HLA-G: variants seen among roughly 807,000 people sequenced by gnomAD.
HLA-G encodes the protein major histocompatibility complex, class I, G.
Under a neutral mutation model 39.3 loss-of-function variants are expected in HLA-G, and 34 were observed. The observed-to-expected ratio is 0.86, with a 90% CI of 0.66 to 1.15. The LOEUF is 1.15. HLA-G is among the 50% of genes most tolerant of loss of function. HLA-G has a pLI of 0.00. For missense variants in HLA-G, 419 were observed against 456.4 expected (o/e 0.92, Z 0.75); for synonymous variants, 183 against 185.8 (o/e 0.99, Z 0.12).
rs751954365 is a variant in HLA-G, at chr6:29,827,881, C to T, written c.37C>T (p.Leu13Phe). The part of the protein sequence containing the change: ...VMAPRTLFLL[L>F]SGALTLTETW... ...GGCGCCCCGAACCCTCTTCCTGCTG[C>T]TCTCGGGGGCCCTGACCCTGACCGA... Residue 13 changes from leucine to phenylalanine, a missense_variant, in exon 1 of 7, where the codon CTC becomes TTC. Physicochemically the swap from Leu to Phe is conservative, Grantham distance 22 (BLOSUM62 0). Around this residue, in one of 2 missense-constraint regions of HLA-G, gnomAD observed 91 missense variants for 133.4 expected, o/e 0.68. Transcript: ENST00000360323. 4.8e-5 allele frequency: 78 copies of T among 1,613,304 alleles called. No homozygotes were observed. The highest frequency in any genetic ancestry group is 4.0e-4 in the African/African-American group (30 of 75,042).
At position 29,829,456 on chromosome 6, in the gene HLA-G, G is replaced by A. The variant is rs976391413; in HGVS notation, c.658G>A (p.Asp220Asn). The change falls in exon 4 of 7, where the codon GAC becomes AAC. Residue 220 changes from aspartate (D) to asparagine (N), a missense_variant. By Grantham distance (23) the Asp-to-Asn change is conservative. Transcript: ENST00000360323. ...KTHVTHHPVFDYEATLRCWAL... is the reference protein window; with the variant it reads ...KTHVTHHPVFNYEATLRCWAL... ...ACACGTGACCCACCACCCTGTCTTT[G>A]ACTATGAGGCCACCCTGAGGTGCTG... 1.2e-6 allele frequency: 2 copies of A among 1,613,694 alleles called. No homozygotes were observed. Among genetic ancestry groups the A allele is most frequent in the African/African-American group, 1.3e-5 (1 of 74,860 alleles).
In HLA-G at chr6:29,828,587, G is replaced by C. The variant is rs565858069; in HGVS notation, c.388G>C (p.Asp130His). ...QWMIGCDLGSDGRLLRGYEQY... is the reference protein window; with the variant it reads ...QWMIGCDLGSHGRLLRGYEQY... ...GATGATTGGCTGCGACCTGGGGTCC[G>C]ACGGACGCCTCCTCCGCGGGTATGA... Residue 130 changes from aspartate (D) to histidine (H), a missense_variant, in exon 3 of 7, where the codon GAC becomes CAC. This residue lies in a region of HLA-G where 328 missense variants were observed against 323.0 expected (regional missense o/e 1.02). Transcript: ENST00000360323. The C allele has an allele frequency of 2.3e-5, 37 of 1,613,058 alleles. No individual in the cohort carries two copies. The African/African-American group carries it at 2.5e-4, about 11-fold the overall frequency.
At chr6:29,829,265 C>T (rs1465359992) in intron 3 of HLA-G, among the ~76,000 whole-genome samples, 153 bp from the exon 4 acceptor site, 1 of 152,168 alleles carries the variant, frequency 6.6e-6, no homozygotes, top group African/African-American at 2.4e-5. Flanking sequence ...AGGAGATTAT[C>T]CCAGGTGCCC....
At chr6:29,827,982 G>A (rs1341683609) in intron 1 of HLA-G, 65 bp downstream of exon 1, 2 of 1,591,216 alleles carry the variant, frequency 1.3e-6, no homozygotes, top group Non-Finnish European at 1.7e-6. Context: ...CCCGGCGGGG[G>A]CGCAGGACTC....
intron 5 of HLA-G, 67 bp from the exon 6 acceptor site, chr6:29,830,311 A>G: frequency 6.5e-7 from 1 of 1,544,002 alleles, no homozygotes; most frequent in Admixed American, 1.7e-5. Flanking sequence ...CAAGACTAGG[A>G]GGTTCCTCTA....
At chr6:29,830,083 C>G in intron 5 of HLA-G, 151 bp downstream of exon 5, 2 of 697,796 alleles carry the variant, frequency 2.9e-6, no homozygotes, top group Admixed American at 2.6e-5. Context: ...AGCACCTTCT[C>G]TTTTGTAAAG....
In HLA-G at chr6:29,828,078, C is replaced by G. The variant is rs74425795; in HGVS notation, c.105C>G (p.Ala35=). The G allele has an allele frequency of 1.1e-4, 182 of 1,611,900 alleles. 1 individual carries two copies. Among genetic ancestry groups the G allele is most frequent in the Admixed American group, 3.2e-4 (19 of 59,970 alleles). ...GSHSMRYFSA[A]VSRPGRGEPR... Reference sequence around the variant, plus strand: ...ACTCCATGAGGTATTTCAGCGCCGCCGTGTCCCGGCCCGGCCGCGGGGAGC... The same window carrying G: ...ACTCCATGAGGTATTTCAGCGCCGCGGTGTCCCGGCCCGGCCGCGGGGAGC... Residue 35 remains alanine, a synonymous_variant, in exon 2 of 7, where the codon GCC becomes GCG. Transcript: ENST00000360323.
upstream of HLA-G, chr6:29,827,822 C>G (rs747864137): frequency 6.2e-7 from 1 of 1,608,600 alleles, no homozygotes; most frequent in African/African-American, 1.3e-5. Context: ...CCCACCCGGA[C>G]TCATTCTCCC....
Position 29,829,473 on chromosome 6 carries a change from G to A in HLA-G, c.675G>A (p.Leu225=), listed in dbSNP as rs759757996. The A allele has an allele frequency of 2.5e-6, 4 of 1,613,904 alleles. No homozygotes were observed. Among genetic ancestry groups the A allele is most frequent in the Non-Finnish European group, 1.7e-6 (2 of 1,179,856 alleles). The change falls in exon 4 of 7, where the codon CTG becomes CTA. Residue 225 remains leucine, a synonymous_variant. Transcript: ENST00000360323. ...CTGTCTTTGACTATGAGGCCACCCT[G>A]AGGTGCTGGGCCCTGGGCTTCTACC... ...HHPVFDYEAT[L]RCWALGFYPA...
intron 5 of HLA-G, 40 bp from the exon 6 acceptor site, chr6:29,830,338 C>A: frequency 6.2e-7 from 1 of 1,612,208 alleles, no homozygotes; most frequent in Non-Finnish European, 8.5e-7. Flanking sequence ...CATGGCCCTG[C>A]CACCTTTCTG....
rs1761212321 is a variant in HLA-G, at chr6:29,830,787, G to T, written c.*48G>T. On this transcript the variant is annotated 3_prime_UTR_variant, in exon 7 of 7. Transcript: ENST00000360323. ...CTGTAGTGTGAAACAGCTGCCCTGT[G>T]TGGGACTGAGTGGCAAGTCCCTTTG... 1 of 426,576 alleles carries T rather than the reference G, an allele frequency of 2.3e-6. No individual in the cohort carries two copies. 26.4% of individuals were successfully genotyped at this position (426,576 alleles called of 1,614,324 possible). A position where few individuals can be genotyped will look rare whatever the true frequency, so the allele number is the denominator to read the frequency against.
intron 2 of HLA-G, 83 bp downstream of exon 2, chr6:29,828,399 G>T (rs373441297): frequency 6.4e-7 from 1 of 1,555,840 alleles, no homozygotes; most frequent in Non-Finnish European, 8.7e-7. Context: ...GAGTCTCCGG[G>T]TCTGGGATCC....
chr6:29,829,478 G>A lies in HLA-G; in HGVS notation c.680G>A (p.Cys227Tyr), dbSNP rs770027530. 5 of 1,613,886 alleles carry A rather than the reference G, an allele frequency of 3.1e-6. No homozygotes were observed. The highest frequency in any genetic ancestry group is 4.2e-6 in the Non-Finnish European group (5 of 1,179,860). ...PVFDYEATLR[C>Y]WALGFYPAEI... ...TTTGACTATGAGGCCACCCTGAGGT[G>A]CTGGGCCCTGGGCTTCTACCCTGCG... The change falls in exon 4 of 7, where the codon TGC (cysteine) becomes TAC (tyrosine). Residue 227 changes from cysteine to tyrosine, a missense_variant. Transcript: ENST00000360323.
At position 29,828,077 on chromosome 6, in the gene HLA-G, C is replaced by A; in HGVS notation, c.104C>A (p.Ala35Asp). 1 of 1,611,960 alleles carries A rather than the reference C, an allele frequency of 6.2e-7. No homozygotes were observed. Among genetic ancestry groups the A allele is most frequent in the Non-Finnish European group, 8.5e-7 (1 of 1,179,582 alleles). The change falls in exon 2 of 7, where the codon GCC (alanine) becomes GAC (aspartate). Residue 35 changes from alanine (A) to aspartate (D), a missense_variant. Coordinates refer to ENST00000360323, the MANE Select transcript of HLA-G (RefSeq NM_001384290.1). ...CACTCCATGAGGTATTTCAGCGCCG[C>A]CGTGTCCCGGCCCGGCCGCGGGGAG... ...GSHSMRYFSAAVSRPGRGEPR... is the reference protein window; with the variant it reads ...GSHSMRYFSADVSRPGRGEPR...
At chr6:29,829,969 T>C in intron 5 of HLA-G, 37 bp downstream of exon 5, 3 of 1,459,510 alleles carry the variant, frequency 2.1e-6, no homozygotes, top group Non-Finnish European at 2.9e-6. Context: ...TGAGTTTTCT[T>C]GTCCCACTGG....
At chr6:29,827,793 G>A (rs1407310525), upstream of HLA-G, 1 of 1,567,772 alleles carries the variant, frequency 6.4e-7, no homozygotes, top group Admixed American at 1.7e-5. Flanking sequence ...CGCGGTCCTG[G>A]TTCTAAAGTC....
In HLA-G at chr6:29,828,092, G is replaced by A. The variant is rs1199196375; in HGVS notation, c.119G>A (p.Gly40Asp). 1 of 1,612,218 alleles carries A rather than the reference G, an allele frequency of 6.2e-7. No homozygotes were observed. Among genetic ancestry groups the A allele is most frequent in the Non-Finnish European group, 8.5e-7 (1 of 1,179,652 alleles). The change falls in exon 2 of 7, where the codon GGC (glycine) becomes GAC (aspartate). Residue 40 changes from glycine to aspartate, a missense_variant. Around this residue, in one of 2 missense-constraint regions of HLA-G, gnomAD observed 91 missense variants for 133.4 expected, o/e 0.68. Transcript: ENST00000360323. ...RYFSAAVSRP[G>D]RGEPRFIAMG... The stretch of plus-strand genomic sequence containing the variant: ...TTCAGCGCCGCCGTGTCCCGGCCCG[G>A]CCGCGGGGAGCCCCGCTTCATCGCC...
chr6:29,828,497 G>T (rs1192651582), intron 2 of HLA-G, 46 bp from the exon 3 acceptor site: 1 of 1,595,190 alleles, frequency 6.3e-7, no homozygotes, highest in South Asian at 1.1e-5. Context: ...GGGTCCGGGC[G>T]AGGGCGAGGC....
chr6:29,828,149 G>C lies in HLA-G; in HGVS notation c.176G>C (p.Arg59Pro). 3 of 1,613,314 alleles carry C rather than the reference G, an allele frequency of 1.9e-6. No individual in the cohort carries two copies. The highest frequency in any genetic ancestry group is 2.5e-6 in the Non-Finnish European group (3 of 1,179,862). ...MGYVDDTQFV[R>P]FDSDSACPRM... Reference sequence around the variant, plus strand: ...TACGTGGACGACACGCAGTTCGTGCGGTTCGACAGCGACTCGGCGTGTCCG... The same window carrying C: ...TACGTGGACGACACGCAGTTCGTGCCGTTCGACAGCGACTCGGCGTGTCCG... The change falls in exon 2 of 7, where the codon CGG (arginine) becomes CCG (proline). Residue 59 changes from arginine to proline, a missense_variant. Around this residue, in one of 2 missense-constraint regions of HLA-G, gnomAD observed 91 missense variants for 133.4 expected, o/e 0.68. Transcript: ENST00000360323.
Sources: gnomAD v4.1 joint callset for allele counts (sites outside exome capture counted in the v4.1 genomes callset) on GRCh38, gnomAD v4.1.1 for gene constraint, gnomAD v4.1.1 regional missense constraint, MANE v1.5 for transcripts, NCBI Gene and HGNC (gene_info 2026-07-23, HGNC 2026-07-21) for gene names.